Variants in DSCAML1 observed in about 807,000 individuals in gnomAD.
DSCAML1 encodes the protein DS cell adhesion molecule like 1, also known as cell adhesion molecule DSCAML1.
In DSCAML1, 38 loss-of-function variants were observed where a neutral mutation model predicts 200.5. That is an observed-to-expected ratio of 0.19 (90% CI 0.15 to 0.25). The LOEUF (loss-of-function observed/expected upper bound fraction) is 0.25. Ranked by LOEUF, DSCAML1 falls within the 10% of genes least tolerant of loss-of-function variation. DSCAML1 has a pLI of 1.00. For synonymous variants in DSCAML1, 1,215 were observed against 1,165.0 expected (o/e 1.04, Z -0.87); for missense variants, 2,223 against 2,858.8 (o/e 0.78, Z 5.07).
chr11:117,660,731 T>C (rs542113869), intron 3 of DSCAML1, among the ~76,000 whole-genome samples: 7 of 152,338 alleles, frequency 4.6e-5, no homozygotes, highest in African/African-American at 1.7e-4. Flanking sequence ...AGGTGCCCTG[T>C]ATATGTTACC....
chr11:117,428,392 G>T lies in DSCAML1; in HGVS notation c.6098C>A (p.Ser2033Ter). 1 of 1,584,350 alleles carries T rather than the reference G, an allele frequency of 6.3e-7. No homozygotes were observed. The highest frequency in any genetic ancestry group is 8.6e-7 in the Non-Finnish European group (1 of 1,169,176). The part of the protein sequence containing the change: ...SRDSLLEMST[S>*]GVGRSQKQGA... Reference sequence around the variant, plus strand: ...CTGCTTCTGAGACCTCCCTACCCCCGATGTGCTCATCTCGAGAAGCGAGTC... The same window carrying T: ...CTGCTTCTGAGACCTCCCTACCCCCTATGTGCTCATCTCGAGAAGCGAGTC... Residue 2033 changes from serine (S) to a stop codon, truncating the protein, a stop_gained, in exon 33 of 33, where the codon TCG (serine) becomes TAG (stop). Coordinates refer to ENST00000651296, the MANE Select transcript of DSCAML1 (RefSeq NM_020693.4). LOFTEE classifies it high-confidence loss of function.
At chr11:117,596,270 G>A (rs370632763) in intron 3 of DSCAML1, among the ~76,000 whole-genome samples, 2 of 152,024 alleles carry the variant, frequency 1.3e-5, no homozygotes, top group East Asian at 3.8e-4. Flanking sequence ...CTACTCTTAA[G>A]TCCAGATCTT....
chr11:117,783,733 G>A (rs2055302280), intron 1 of DSCAML1, among the ~76,000 whole-genome samples: 1 of 152,126 alleles, frequency 6.6e-6, no homozygotes, highest in Admixed American at 6.5e-5. Context: ...GCTGGGGGAT[G>A]CACCTCCTAC....
At chr11:117,664,664 G>A (rs992374497) in intron 3 of DSCAML1, among the ~76,000 whole-genome samples, 1 of 152,212 alleles carries the variant, frequency 6.6e-6, no homozygotes, top group African/African-American at 2.4e-5. Flanking sequence ...GGAGCTCCTC[G>A]CATTTTTGGT....
At chr11:117,477,513 A>T (rs1373470817) in intron 14 of DSCAML1, among the ~76,000 whole-genome samples, 1 of 152,060 alleles carries the variant, frequency 6.6e-6, no homozygotes, top group Non-Finnish European at 1.5e-5. Flanking sequence ...TGCAAAAAAA[A>T]AATTGGCACT....
At chr11:117,589,322 T>C (rs1486028066) in intron 3 of DSCAML1, among the ~76,000 whole-genome samples, 1 of 152,244 alleles carries the variant, frequency 6.6e-6, no homozygotes, top group Non-Finnish European at 1.5e-5. Context: ...CACGCAGCTA[T>C]TTATTTATTC....
At chr11:117,814,135 T>C (rs1555038084) in intron 1 of DSCAML1, among the ~76,000 whole-genome samples, 1 of 151,648 alleles carries the variant, frequency 6.6e-6, no homozygotes. Context: ...TGACCCCCCT[T>C]CCCTGCCCAC....
At chr11:117,625,444 G>T (rs1435897283) in intron 3 of DSCAML1, among the ~76,000 whole-genome samples, 1 of 152,226 alleles carries the variant, frequency 6.6e-6, no homozygotes, top group African/African-American at 2.4e-5. Context: ...ACTGAGCCAT[G>T]TTGACAGCCT....
intron 3 of DSCAML1, among the ~76,000 whole-genome samples, chr11:117,635,814 C>T (rs2052270747): frequency 2.6e-5 from 4 of 152,070 alleles, no homozygotes; most frequent in Admixed American, 2.6e-4. Context: ...GAAGTCATAA[C>T]GCTGGGTGGG....
rs137963476 is a variant in DSCAML1 at position 117,619,597 on chromosome 11, A to C, written c.512-87075T>G. Among the ~76,000 whole-genome samples, 8 of 152,352 alleles carry C rather than the reference A, an allele frequency of 5.3e-5. No homozygotes were observed. In the East Asian group the frequency reaches 7.7e-4, roughly 15 times the overall value. On this transcript the variant is annotated intron_variant, in intron 3 of 32. Transcript: ENST00000651296. ...TTCCCTTTTCAGCTAAAGAACTTAA[A>C]AGTGAATTATGGATAACATATTTTG...
chr11:117,516,474 G>A lies in DSCAML1; in HGVS notation c.1776C>T (p.Ala592=), dbSNP rs770713645. ...QLSISQSVHV[A]VKVPPLIQPF... ...CTGGTGAGGGAGGCCTACCTTTGAC[G>A]GCTACGTGAACGCTCTGGCTGATGG... Residue 592 remains alanine, a synonymous_variant, in exon 8 of 33, where the codon GCC becomes GCT. Coordinates refer to ENST00000651296, the MANE Select transcript of DSCAML1 (RefSeq NM_020693.4). This position sits in a 1 kb window ranked among gnomAD's most constrained non-coding sequence, Gnocchi z 5.7. 15 of 1,611,858 alleles carry A rather than the reference G, an allele frequency of 9.3e-6. No homozygotes were observed. Among genetic ancestry groups the A allele is most frequent in the East Asian group, 6.7e-5 (3 of 44,848 alleles).
At chr11:117,716,461 T>C (rs1474983930) in intron 3 of DSCAML1, among the ~76,000 whole-genome samples, 3 of 152,196 alleles carry the variant, frequency 2.0e-5, no homozygotes, top group Admixed American at 2.0e-4. Flanking sequence ...TGACCAACTT[T>C]ACCCCCAGCG....
chr11:117,799,797 G>A (rs555129472), upstream of DSCAML1, among the ~76,000 whole-genome samples: 7 of 152,340 alleles, frequency 4.6e-5, no homozygotes, highest in South Asian at 4.1e-4. Flanking sequence ...TTGGAAAGTC[G>A]TAGCGAGGAT....
At chr11:117,613,504 AGCT>A (rs1182269101) in intron 3 of DSCAML1, among the ~76,000 whole-genome samples, 1 of 152,174 alleles carries the variant, frequency 6.6e-6, no homozygotes, top group Non-Finnish European at 1.5e-5. Flanking sequence ...AACTAGCTGA[AGCT>A]GCTCACAGTC....
Position 117,505,522 on chromosome 11 carries a change from C to G in DSCAML1, c.1994G>C (p.Gly665Ala), listed in dbSNP as rs778123235. 6.2e-7 allele frequency: 1 copy of G among 1,613,390 alleles called. No homozygotes were observed. Among genetic ancestry groups the G allele is most frequent in the Non-Finnish European group, 8.5e-7 (1 of 1,179,988 alleles). ...QISSVSLKHN[G>A]NYTCIASNAA... ...GTTGCTGGCGATGCATGTATAGTTGCCGTTGTGCTTGAGGGAGACGCTAGA... is the reference window on the plus strand; with the variant it reads ...GTTGCTGGCGATGCATGTATAGTTGGCGTTGTGCTTGAGGGAGACGCTAGA... Residue 665 changes from glycine (G) to alanine (A), a missense_variant, in exon 9 of 33, where the codon GGC (glycine) becomes GCC (alanine). Coordinates refer to ENST00000651296, the MANE Select transcript of DSCAML1 (RefSeq NM_020693.4). This position sits in a 1 kb window ranked among gnomAD's most constrained non-coding sequence, Gnocchi z 6.7.
At chr11:117,799,091 C>T (rs566152665), upstream of DSCAML1, among the ~76,000 whole-genome samples, 79 of 152,266 alleles carry the variant, frequency 5.2e-4, no homozygotes, top group Middle Eastern at 3.4e-3. Context: ...CCCGAGGTCA[C>T]GCAGGGAGTG....
At chr11:117,647,255 G>T (rs557058762) in intron 3 of DSCAML1, among the ~76,000 whole-genome samples, 1 of 152,184 alleles carries the variant, frequency 6.6e-6, no homozygotes, top group African/African-American at 2.4e-5. Flanking sequence ...TTGCCCTTAC[G>T]CTGCTCCCCC....
intron 1 of DSCAML1, among the ~76,000 whole-genome samples, chr11:117,813,958 A>G (rs2055781472): frequency 6.6e-6 from 1 of 152,286 alleles, no homozygotes; most frequent in South Asian, 2.1e-4. Context: ...CTATACGCCC[A>G]GATGGCTTGA....
intron 3 of DSCAML1, among the ~76,000 whole-genome samples, chr11:117,725,729 C>G (rs2054115507): frequency 6.6e-6 from 1 of 152,202 alleles, no homozygotes; most frequent in Admixed American, 6.5e-5. Flanking sequence ...TGAACCCCAT[C>G]TTCCAGGGGT....
Sources: allele counts gnomAD v4.1 joint callset (sites outside exome capture counted in the v4.1 genomes callset), GRCh38; gene constraint gnomAD v4.1.1; non-coding constraint Gnocchi (gnomAD v3.1); transcripts MANE v1.5; gene names NCBI Gene and HGNC (gene_info 2026-07-23, HGNC 2026-07-21).